The following SMIM43 variants were observed in gnomAD, a reference collection of about 807,000 sequenced individuals.
SMIM43 encodes small integral membrane protein 43.
At chr4:121,761,478 A>G in intron 5 of SMIM43, 60 bp downstream of exon 5, 1 of 1,492,038 alleles carries the variant, frequency 6.7e-7, no homozygotes. Context: ...GAAACTATAG[A>G]CAAAATTGGA....
At chr4:121,764,485 G>A (rs1726243518) in intron 1 of SMIM43, 1 of 158,422 alleles carries the variant, frequency 6.3e-6, no homozygotes, top group Non-Finnish European at 1.4e-5. Context: ...AGGTTAACCT[G>A]CGATTTTGTT....
At position 121,760,405 on chromosome 4, in the gene SMIM43, T is replaced by C. The variant is rs1232395359; in HGVS notation, c.*569A>G. The stretch of plus-strand genomic sequence containing the variant: ...TCTTTAAAAGGAAGTGGATTTGAAC[T>C]GGCATGCCCCGTTTTCTCTGTGGGC... On this transcript the variant is annotated 3_prime_UTR_variant, in exon 6 of 6. Transcript: ENST00000643802. 1.9e-6 allele frequency: 3 copies of C among 1,581,492 alleles called. No homozygotes were observed. Among genetic ancestry groups the C allele is most frequent in the Non-Finnish European group, 2.6e-6 (3 of 1,162,462 alleles).
At chr4:121,762,126 T>C (rs1174502434) in intron 3 of SMIM43, among the ~76,000 whole-genome samples, 1 of 152,238 alleles carries the variant, frequency 6.6e-6, no homozygotes, top group Non-Finnish European at 1.5e-5. Context: ...TCAAGTGCTT[T>C]AATGTCTAGC....
At chr4:121,761,001 G>A (rs1374020397) in intron 5 of SMIM43, among the ~76,000 whole-genome samples, 3 of 151,856 alleles carry the variant, frequency 2.0e-5, no homozygotes, top group African/African-American at 4.8e-5. Flanking sequence ...TCCACCTTCC[G>A]GTATGGGAAG....
At chr4:121,764,515 T>G in intron 1 of SMIM43, 2 of 168,634 alleles carry the variant, frequency 1.2e-5, no homozygotes, top group Non-Finnish European at 2.5e-5. Flanking sequence ...CTAAACTGCA[T>G]TATCCGAATA....
chr4:121,759,420 C>T lies in SMIM43; in HGVS notation c.*1554G>A, dbSNP rs1725934199. On this transcript the variant is annotated 3_prime_UTR_variant, in exon 6 of 6. Coordinates refer to ENST00000643802, the MANE Select transcript of SMIM43 (RefSeq NM_001384332.1). ...AAGAAAGAGAATAAAGTATACCGTG[C>T]TATCTAACACAATAGCTAGTAGCCC... is the stretch of plus-strand genomic sequence containing the variant. 6.6e-6 allele frequency: 1 copy of T among 152,168 alleles called. No homozygotes were observed. Among genetic ancestry groups the T allele is most frequent in the Non-Finnish European group, 1.5e-5 (1 of 68,026 alleles). The allele number at this position is 152,168 out of a possible 1,614,324, so 9.4% of individuals were successfully genotyped here.
At chr4:121,761,459 AC>A (rs1726056437) in intron 5 of SMIM43, 78 bp downstream of exon 5, 14 of 1,407,058 alleles carry the variant, frequency 9.9e-6, no homozygotes, top group Non-Finnish European at 1.1e-5. Flanking sequence ...ACTCTATTGC[AC>A]TGATTTTGAA....
intron 4 of SMIM43, 51 bp from the exon 5 acceptor site, chr4:121,761,746 T>A (rs1253253747): frequency 3.1e-6 from 5 of 1,610,598 alleles, no homozygotes; most frequent in Non-Finnish European, 4.2e-6. Context: ...CATTTTAGAT[T>A]TTGCAGGTGT....
At chr4:121,761,065 A>G (rs1726035320) in intron 5 of SMIM43, among the ~76,000 whole-genome samples, 1 of 151,996 alleles carries the variant, frequency 6.6e-6, no homozygotes. Flanking sequence ...AACATTATTT[A>G]TTTTGTGTAG....
At chr4:121,761,792 T>A (rs769090204) in intron 4 of SMIM43, 38 bp downstream of exon 4, 1 of 1,611,818 alleles carries the variant, frequency 6.2e-7, no homozygotes, top group East Asian at 2.2e-5. Flanking sequence ...TTAAAATGGT[T>A]ATCTTGCCAA....
intron 5 of SMIM43, 81 bp from the exon 6 acceptor site, chr4:121,760,555 G>T: frequency 2.1e-6 from 3 of 1,439,894 alleles, no homozygotes; most frequent in Non-Finnish European, 2.7e-6. Context: ...AGCACCAGCA[G>T]CTGCCTGCCT....
rs1260083065 is a variant in SMIM43, at chr4:121,761,656, T to C, written c.*381A>G. On this transcript the variant is annotated 3_prime_UTR_variant, in exon 5 of 6. Coordinates refer to ENST00000643802, the MANE Select transcript of SMIM43 (RefSeq NM_001384332.1). ...AAATTTTCTCTCTTATTCTGTAGAA[T>C]CGCACCAGATGGCATCAGTTCTGCA... 8 of 1,613,746 alleles carry C rather than the reference T, an allele frequency of 5.0e-6. No homozygotes were observed. In the South Asian group the frequency reaches 8.8e-5, roughly 18 times the overall value.
intron 3 of SMIM43, among the ~76,000 whole-genome samples, chr4:121,762,366 GAATA>G (rs1017979514): frequency 5.3e-5 from 8 of 152,066 alleles, no homozygotes; most frequent in Non-Finnish European, 1.2e-4. Flanking sequence ...AATGATGATT[GAATA>G]AATAAATAAA....
chr4:121,764,789 G>C (rs1726262832), intron 1 of SMIM43, 28 bp downstream of exon 1: 1 of 395,284 alleles, frequency 2.5e-6, no homozygotes, highest in South Asian at 1.4e-4. Flanking sequence ...CGCCGGAACG[G>C]ACCCGTCAGA....
At chr4:121,764,169 T>A (rs1374796479) in intron 1 of SMIM43, 1 of 152,276 alleles carries the variant, frequency 6.6e-6, no homozygotes, top group Non-Finnish European at 1.5e-5. Flanking sequence ...ACTCTCACTG[T>A]AACGTTCACC....
At chr4:121,762,212 T>C (rs1578478051) in intron 3 of SMIM43, among the ~76,000 whole-genome samples, 1 of 151,940 alleles carries the variant, frequency 6.6e-6, no homozygotes, top group Non-Finnish European at 1.5e-5. Flanking sequence ...GGGGATGGAG[T>C]AGCCAACATG....
chr4:121,759,285 T>C lies in SMIM43; in HGVS notation c.*1689A>G, dbSNP rs1725925603. 2 of 152,316 alleles carry C rather than the reference T, an allele frequency of 1.3e-5. No individual in the cohort carries two copies. Among genetic ancestry groups the C allele is most frequent in the South Asian group, 4.1e-4 (2 of 4,830 alleles). The allele number at this position is 152,316 out of a possible 1,614,324, so 9.4% of individuals were successfully genotyped here. ...ATCTTGAATTTAATTCCAAATACCA[T>C]TCTTTCTTTTCCTCTGGGAGACAAA... On this transcript the variant is annotated 3_prime_UTR_variant, in exon 6 of 6. Coordinates refer to ENST00000643802, the MANE Select transcript of SMIM43 (RefSeq NM_001384332.1).
intron 1 of SMIM43, chr4:121,764,074 T>G (rs1275927688): frequency 6.6e-6 from 1 of 152,300 alleles, no homozygotes; most frequent in Non-Finnish European, 1.5e-5. Flanking sequence ...CCCTACACTA[T>G]GCAAACAGTA....
At position 121,760,011 on chromosome 4, in the gene SMIM43, C is replaced by T. The variant is rs777852114; in HGVS notation, c.*963G>A. The T allele has an allele frequency of 7.2e-5, 18 of 251,724 alleles. No individual in the cohort carries two copies. The highest frequency in any genetic ancestry group is 9.0e-5 in the African/African-American group (4 of 44,426). The allele number at this position is 251,724 out of a possible 1,614,324, so 15.6% of individuals were successfully genotyped here. ...TCCTGATGTGGGACAAGGATATTGA[C>T]TGAGAGAGGTCAGCCCTGTCAAGAG... is the stretch of plus-strand genomic sequence containing the variant. On this transcript the variant is annotated 3_prime_UTR_variant, in exon 6 of 6. Transcript: ENST00000643802.
Sources: allele counts gnomAD v4.1 joint callset (sites outside exome capture counted in the v4.1 genomes callset), GRCh38; gene constraint gnomAD v4.1.1; transcripts MANE v1.5; gene names NCBI Gene and HGNC (gene_info 2026-07-23, HGNC 2026-07-21).